The following NRXN1 variants were observed in gnomAD, a reference collection of about 807,000 sequenced individuals.
The protein encoded by NRXN1 is neurexin-1.
Under a neutral mutation model 150.9 loss-of-function variants are expected in NRXN1, and 39 were observed. The ratio of observed to expected loss-of-function variants is 0.26; its 90% CI spans 0.20 to 0.34. NRXN1 has a LOEUF of 0.34. Ranked by LOEUF, NRXN1 falls within the 10% of genes least tolerant of loss-of-function variation. The pLI is 1.00. For missense variants in NRXN1, 1,815 were observed against 1,949.9 expected (o/e 0.93, Z 1.30); for synonymous variants, 924 against 757.0 (o/e 1.22, Z -3.62).
At chr2:50,893,298 G>T (rs1010196748) in intron 5 of NRXN1, among the ~76,000 whole-genome samples, 1 of 152,066 alleles carries the variant, frequency 6.6e-6, no homozygotes, top group Non-Finnish European at 1.5e-5. Context: ...CTTACTTATA[G>T]TATATGACTA....
chr2:49,954,003 T>C lies in NRXN1; in HGVS notation c.4129-10212A>G, dbSNP rs566251242. Reference sequence around the variant, plus strand: ...CAAGCCTGCATATTCTGCATATGTATCCCAGAACTTAAGAAAAAATAAAAA... The same window carrying C: ...CAAGCCTGCATATTCTGCATATGTACCCCAGAACTTAAGAAAAAATAAAAA... On this transcript the variant is annotated intron_variant, in intron 21 of 22. Transcript: ENST00000401669. 7.2e-5 allele frequency among the ~76,000 whole-genome samples: 11 copies of C among 152,158 alleles called. No individual in the cohort carries two copies. In the East Asian group the frequency reaches 2.1e-3, roughly 29 times the overall value.
chr2:50,095,540 G>A (rs1700102205), intron 18 of NRXN1, among the ~76,000 whole-genome samples: 1 of 152,104 alleles, frequency 6.6e-6, no homozygotes, highest in Non-Finnish European at 1.5e-5. Context: ...AGAAGGTCTA[G>A]ATTCAGTGAA....
At chr2:50,707,849 T>TAA (rs1342571764) in intron 5 of NRXN1, among the ~76,000 whole-genome samples, 1 of 152,198 alleles carries the variant, frequency 6.6e-6, no homozygotes, top group Non-Finnish European at 1.5e-5. Flanking sequence ...TAGAAGATCT[T>TAA]ACAGATTTTC....
intron 5 of NRXN1, among the ~76,000 whole-genome samples, chr2:50,884,439 ATGTT>A (rs1166579259): frequency 5.3e-5 from 8 of 151,888 alleles, no homozygotes; most frequent in South Asian, 2.1e-4. Flanking sequence ...GTGATTCAAA[ATGTT>A]TGTTTGTGAG....
chr2:50,267,983 A>C (rs1192376205), intron 17 of NRXN1, among the ~76,000 whole-genome samples: 1 of 152,098 alleles, frequency 6.6e-6, no homozygotes, highest in African/African-American at 2.4e-5. Context: ...TGAGCTCAGG[A>C]GTTTGCGACC....
At chr2:50,078,393 G>C (rs972760081) in intron 19 of NRXN1, among the ~76,000 whole-genome samples, 2 of 149,944 alleles carry the variant, frequency 1.3e-5, no homozygotes, top group Admixed American at 6.7e-5. Flanking sequence ...AAATCTTATA[G>C]AATGAGAGTT....
chr2:50,658,347 C>CA (rs936669862), intron 5 of NRXN1, among the ~76,000 whole-genome samples: 37 of 140,808 alleles, frequency 2.6e-4, no homozygotes, highest in Admixed American at 6.5e-4. Flanking sequence ...AGAAACAGGG[C>CA]AAAAAAAAAT....
intron 8 of NRXN1, among the ~76,000 whole-genome samples, chr2:50,561,267 G>A (rs1254577809): frequency 2.6e-5 from 4 of 152,198 alleles, no homozygotes; most frequent in African/African-American, 9.7e-5. Flanking sequence ...GTGCATATGA[G>A]TATGTAGCAG....
intron 17 of NRXN1, among the ~76,000 whole-genome samples, chr2:50,252,765 T>C (rs2067257897): frequency 6.6e-6 from 1 of 152,106 alleles, no homozygotes; most frequent in African/African-American, 2.4e-5. Flanking sequence ...CTCTAAACTG[T>C]TCCATTAGTC....
At chr2:49,940,853 C>A (rs749145781) in intron 22 of NRXN1, among the ~76,000 whole-genome samples, 3 of 152,074 alleles carry the variant, frequency 2.0e-5, no homozygotes, top group Non-Finnish European at 2.9e-5. Context: ...GATCAGAGGA[C>A]AGGTTTACAG....
intron 8 of NRXN1, among the ~76,000 whole-genome samples, chr2:50,603,499 C>T (rs1676605782): frequency 6.6e-6 from 1 of 152,132 alleles, no homozygotes; most frequent in Non-Finnish European, 1.5e-5. Flanking sequence ...TCTTTCAACA[C>T]ACTTTTTTCT....
intron 5 of NRXN1, among the ~76,000 whole-genome samples, chr2:50,671,829 T>G (rs569479183): frequency 8.6e-5 from 13 of 151,990 alleles, no homozygotes; most frequent in Admixed American, 2.0e-4. Flanking sequence ...TAACTGCACA[T>G]AAAACTTTAG....
intron 18 of NRXN1, among the ~76,000 whole-genome samples, chr2:50,211,933 T>C (rs188217840): frequency 6.6e-6 from 1 of 151,792 alleles, no homozygotes; most frequent in Non-Finnish European, 1.5e-5. Flanking sequence ...TAATGTACTC[T>C]ACACAAATCT....
intron 15 of NRXN1, 130 bp downstream of exon 15, chr2:50,495,775 T>C: frequency 4.5e-6 from 3 of 666,268 alleles, no homozygotes; most frequent in Non-Finnish European, 7.1e-6. Flanking sequence ...GTATTGTTAA[T>C]TATGTGCTGA....
At chr2:49,934,890 C>G (rs1432853831) in intron 22 of NRXN1, among the ~76,000 whole-genome samples, 3 of 152,092 alleles carry the variant, frequency 2.0e-5, no homozygotes, top group Non-Finnish European at 4.4e-5. Context: ...ACCATAGGAA[C>G]CTAAATTTAT....
chr2:50,728,014 G>A (rs748882639), intron 5 of NRXN1, among the ~76,000 whole-genome samples: 1 of 152,026 alleles, frequency 6.6e-6, no homozygotes, highest in Non-Finnish European at 1.5e-5. Context: ...TACTTATTAT[G>A]GAAACAGAAT....
chr2:50,655,917 T>C (rs543889842), intron 5 of NRXN1, among the ~76,000 whole-genome samples: 12 of 152,044 alleles, frequency 7.9e-5, no homozygotes, highest in Admixed American at 1.3e-4. Flanking sequence ...AATTGACATA[T>C]AAATGTGGTG....
At chr2:50,300,330 C>A (rs1041301380) in intron 17 of NRXN1, among the ~76,000 whole-genome samples, 1 of 152,156 alleles carries the variant, frequency 6.6e-6, no homozygotes, top group Non-Finnish European at 1.5e-5. Context: ...TGTCACAGAA[C>A]TGAAAATTGC....
chr2:50,739,926 T>C (rs535147904), intron 5 of NRXN1, among the ~76,000 whole-genome samples: 1 of 152,146 alleles, frequency 6.6e-6, no homozygotes, highest in African/African-American at 2.4e-5. Flanking sequence ...CTGAAAAAAT[T>C]ATCTGTGATT....
Sources: gnomAD v4.1 joint callset for allele counts (sites outside exome capture counted in the v4.1 genomes callset) on GRCh38, gnomAD v4.1.1 for gene constraint, MANE v1.5 for transcripts, NCBI Gene and HGNC (gene_info 2026-07-23, HGNC 2026-07-21) for gene names.